CCDC158: variants seen among roughly 807,000 people sequenced by gnomAD.
The protein encoded by CCDC158 is coiled-coil domain containing 158, also known as coiled-coil domain-containing protein 158.
In CCDC158, 116 loss-of-function variants were observed where a neutral mutation model predicts 138.6. The observed-to-expected ratio is 0.84, with a 90% CI of 0.72 to 0.98. The LOEUF (loss-of-function observed/expected upper bound fraction) is 0.98, where lower values mean the gene tolerates loss of function less well. Ranked by LOEUF, CCDC158 falls within the 50% of genes least tolerant of loss-of-function variation. The pLI is 0.00. For synonymous variants in CCDC158, 436 were observed against 442.4 expected (o/e 0.99, Z 0.18); for missense variants, 1,265 against 1,306.1 (o/e 0.97, Z 0.48).
intron 16 of CCDC158, chr4:76,352,458 TCA>T (rs1723141934): frequency 6.6e-6 from 1 of 152,080 alleles, no homozygotes; most frequent in South Asian, 2.1e-4. Context: ...CAACTGAAAT[TCA>T]CAGAGTCAAT....
chr4:76,348,948 T>C (rs1444914944), intron 18 of CCDC158, among the ~76,000 whole-genome samples: 1 of 152,200 alleles, frequency 6.6e-6, no homozygotes, highest in Non-Finnish European at 1.5e-5. Flanking sequence ...TTTCAATCCA[T>C]GCATCAGGAA....
At chr4:76,341,706 G>A (rs977487700) in intron 18 of CCDC158, among the ~76,000 whole-genome samples, 2 of 152,192 alleles carry the variant, frequency 1.3e-5, no homozygotes, top group African/African-American at 4.8e-5. Flanking sequence ...GTATATGTAT[G>A]TATATGTGTA....
At chr4:76,407,615 T>A (rs1728936696) in intron 2 of CCDC158, among the ~76,000 whole-genome samples, 1 of 152,132 alleles carries the variant, frequency 6.6e-6, no homozygotes. Context: ...TGAATGACAC[T>A]AAGAAAGTTC....
Position 76,355,324 on chromosome 4 carries a change from C to T in CCDC158, c.2286G>A (p.Lys762=), listed in dbSNP as rs1220169573. The change falls in exon 15 of 25, where the codon AAG becomes AAA. Residue 762 remains lysine (K), a splice_region_variant and synonymous_variant. Transcript: ENST00000682701. The part of the protein sequence containing the change: ...FLEEAMTNAN[K]EKHFLKEEKS... ...CCCCACTCTGAGGACAGCAACCCAC[C>T]TTATTTGCATTTGTCATTGCCTCTT... 1 of 1,602,754 alleles carries T rather than the reference C, an allele frequency of 6.2e-7. No individual in the cohort carries two copies. The highest frequency in any genetic ancestry group is 1.7e-5 in the Admixed American group (1 of 60,004).
At chr4:76,382,930 T>G (rs1283459727) in intron 7 of CCDC158, among the ~76,000 whole-genome samples, 1 of 152,232 alleles carries the variant, frequency 6.6e-6, no homozygotes, top group East Asian at 1.9e-4. Context: ...ATTCAGAATT[T>G]TTTTTTATTT....
intron 8 of CCDC158, among the ~76,000 whole-genome samples, chr4:76,381,247 A>G (rs539498656): frequency 6.6e-6 from 1 of 152,308 alleles, no homozygotes; most frequent in African/African-American, 2.4e-5. Context: ...GGCAGCTTGC[A>G]CTGTGCACGT....
chr4:76,369,452 C>T lies in CCDC158; in HGVS notation c.1321G>A (p.Glu441Lys). The T allele has an allele frequency of 1.9e-6, 3 of 1,614,162 alleles. No individual in the cohort carries two copies. The highest frequency in any genetic ancestry group is 2.2e-5 in the East Asian group (1 of 44,882). ...TGCCGCTCCATCTGGCCCTGACACT[C>T]GCTCTTCAAGGCCTTGAGCAGGGCT... is the stretch of plus-strand genomic sequence containing the variant. ...LEALLKALKS[E>K]CQGQMERQMA... Residue 441 changes from glutamate to lysine, a missense_variant, in exon 11 of 25, where the codon GAG becomes AAG. By Grantham distance (56) the Glu-to-Lys change is moderately conservative (BLOSUM62 1). Transcript: ENST00000682701.
chr4:76,342,915 C>A (rs1325337647), intron 18 of CCDC158, among the ~76,000 whole-genome samples: 2 of 152,094 alleles, frequency 1.3e-5, no homozygotes, highest in Admixed American at 1.3e-4. Context: ...AACAGGGCAG[C>A]AAAATTGGAG....
chr4:76,368,113 G>C (rs1724874172), intron 11 of CCDC158, among the ~76,000 whole-genome samples: 1 of 152,104 alleles, frequency 6.6e-6, no homozygotes, highest in African/African-American at 2.4e-5. Flanking sequence ...ATGCTAATTA[G>C]ACCAAGGTGG....
At chr4:76,358,127 C>T (rs1912831) in intron 13 of CCDC158, among the ~76,000 whole-genome samples, 6,982 of 152,248 alleles carry the variant, frequency 0.046, 369 homozygotes, top group East Asian at 0.23. Context: ...CTGAAACCAA[C>T]TGCCTCACAG....
At chr4:76,354,233 C>CAAAAAAAAAAAAAAAAAAAAAAAGGA (rs1723327304) in intron 15 of CCDC158, among the ~76,000 whole-genome samples, 1 of 63,938 alleles carries the variant, frequency 1.6e-5, no homozygotes. Context: ...TTCCCAAAGG[C>CAAAAAAAAAAAAAAAAAAAAAAAGGA]AAAAAAAAAA....
At chr4:76,392,669 A>G (rs1003713619) in intron 4 of CCDC158, among the ~76,000 whole-genome samples, 3 of 152,026 alleles carry the variant, frequency 2.0e-5, no homozygotes, top group African/African-American at 7.2e-5. Flanking sequence ...AAGAAAGGAC[A>G]TCCAAATTGG....
chr4:76,313,490 A>G, intron 24 of CCDC158, among the ~76,000 whole-genome samples: 1 of 151,352 alleles, frequency 6.6e-6, no homozygotes, highest in East Asian at 1.9e-4. Context: ...GGGTCTCTCT[A>G]TGTTGCCCAG....
At chr4:76,362,688 A>G (rs908498559) in intron 12 of CCDC158, among the ~76,000 whole-genome samples, 1 of 152,232 alleles carries the variant, frequency 6.6e-6, no homozygotes, top group African/African-American at 2.4e-5. Flanking sequence ...GGGATATAGA[A>G]GCAGGGCTAT....
At position 76,323,306 on chromosome 4, in the gene CCDC158, G is replaced by T. The variant is rs1278694444; in HGVS notation, c.3273C>A (p.Asn1091Lys). 1 of 1,608,570 alleles carries T rather than the reference G, an allele frequency of 6.2e-7. No individual in the cohort carries two copies. The highest frequency in any genetic ancestry group is 1.7e-5 in the Admixed American group (1 of 59,444). ...QTLVEDLQLK[N>K]QAMSSMIRNQ... ...CTCCAAAAACGTACACTGTACCTTG[G>T]TTCTTCAGCTGTAAATCTTCTACCA... is the stretch of plus-strand genomic sequence containing the variant. The change falls in exon 24 of 25, where the codon AAC becomes AAA. Residue 1091 changes from asparagine (N) to lysine (K), a missense_variant. Physicochemically the swap from Asn to Lys is moderately conservative, Grantham distance 94. Coordinates refer to ENST00000682701, the MANE Select transcript of CCDC158 (RefSeq NM_001394954.1).
At chr4:76,342,589 A>C (rs916218964) in intron 18 of CCDC158, among the ~76,000 whole-genome samples, 4 of 152,254 alleles carry the variant, frequency 2.6e-5, no homozygotes, top group African/African-American at 9.6e-5. Context: ...GGGGCAATGT[A>C]GAACAATGTA....
chr4:76,350,682 T>C (rs1483222523), intron 18 of CCDC158, among the ~76,000 whole-genome samples: 2 of 152,206 alleles, frequency 1.3e-5, no homozygotes, highest in Non-Finnish European at 2.9e-5. Context: ...GGTAGACTAT[T>C]AAATATACCA....
intron 15 of CCDC158, among the ~76,000 whole-genome samples, chr4:76,353,896 A>G (rs1723283177): frequency 6.6e-6 from 1 of 152,222 alleles, no homozygotes; most frequent in African/African-American, 2.4e-5. Flanking sequence ...TAATAAATGT[A>G]TAGTTGTCAA....
intron 1 of CCDC158, among the ~76,000 whole-genome samples, chr4:76,417,418 A>T (rs1362100939): frequency 6.6e-6 from 1 of 152,184 alleles, no homozygotes; most frequent in Non-Finnish European, 1.5e-5. Flanking sequence ...GACTACTGGT[A>T]AGGCATGATT....
Sources: gnomAD v4.1 joint callset for allele counts (sites outside exome capture counted in the v4.1 genomes callset) on GRCh38, gnomAD v4.1.1 for gene constraint, MANE v1.5 for transcripts, NCBI Gene and HGNC (gene_info 2026-07-23, HGNC 2026-07-21) for gene names.